ANKS1B: variants seen among roughly 807,000 people sequenced by gnomAD.
The protein encoded by ANKS1B is ankyrin repeat and sterile alpha motif domain-containing protein 1B.
ANKS1B carries 36 observed loss-of-function variants against 148.3 expected under a neutral mutation model. The ratio of observed to expected loss-of-function variants is 0.24; its 90% CI spans 0.19 to 0.32. ANKS1B has a LOEUF of 0.32. Among genes scored for constraint, ANKS1B ranks in the 10% least tolerant of loss-of-function variants. The probability of loss-of-function intolerance (pLI) is 1.00; values close to 1 mark genes in which losing one functional copy is unlikely to be tolerated. For missense variants in ANKS1B, 1,157 were observed against 1,542.6 expected (o/e 0.75, Z 4.19); for synonymous variants, 542 against 560.8 (o/e 0.97, Z 0.47).
intron 14 of ANKS1B, among the ~76,000 whole-genome samples, chr12:99,164,676 G>A (rs189578220): frequency 8.6e-5 from 13 of 151,832 alleles, no homozygotes; most frequent in Admixed American, 7.2e-4. Flanking sequence ...TCCTTTCTTC[G>A]TTCTCTTTTT....
intron 14 of ANKS1B, among the ~76,000 whole-genome samples, chr12:99,178,547 T>C (rs1205402719): frequency 6.6e-6 from 1 of 152,240 alleles, no homozygotes; most frequent in Non-Finnish European, 1.5e-5. Context: ...TTGGGGATGC[T>C]GAATAAATTA....
At chr12:99,541,600 T>C (rs142529804) in intron 9 of ANKS1B, among the ~76,000 whole-genome samples, 1 of 152,150 alleles carries the variant, frequency 6.6e-6, no homozygotes, top group Middle Eastern at 3.4e-3. Flanking sequence ...GTGGCTCACA[T>C]CTATAATCCC....
At position 99,284,164 on chromosome 12, in the gene ANKS1B, C is replaced by T. The variant is rs1023375524; in HGVS notation, c.1757-37300G>A. Reference sequence around the variant, plus strand: ...CAATCTGTAGGGAATCTCAGGGGATCATCTGATCCTAGTATCAGGCTCAAG... The same window carrying T: ...CAATCTGTAGGGAATCTCAGGGGATTATCTGATCCTAGTATCAGGCTCAAG... On this transcript the variant is annotated intron_variant, in intron 12 of 26. Coordinates refer to ENST00000683438, the MANE Select transcript of ANKS1B (RefSeq NM_001352186.2). Among the ~76,000 whole-genome samples, 6 of 152,196 alleles carry T rather than the reference C, an allele frequency of 3.9e-5. No individual in the cohort carries two copies. In the East Asian group the frequency reaches 9.6e-4, roughly 24 times the overall value.
intron 8 of ANKS1B, among the ~76,000 whole-genome samples, chr12:99,656,726 C>A (rs549534372): frequency 2.9e-4 from 44 of 151,700 alleles, no homozygotes; most frequent in African/African-American, 1.1e-3. Flanking sequence ...ACTCTAAGAG[C>A]CTGCTGAATA....
chr12:99,196,731 G>A (rs570558270), intron 14 of ANKS1B, among the ~76,000 whole-genome samples: 3 of 151,580 alleles, frequency 2.0e-5, no homozygotes, highest in South Asian at 2.1e-4. Flanking sequence ...CCATTAACTC[G>A]TCATTTAGCA....
intron 17 of ANKS1B, among the ~76,000 whole-genome samples, chr12:98,970,443 C>T (rs958355073): frequency 2.0e-5 from 3 of 152,172 alleles, no homozygotes; most frequent in Non-Finnish European, 4.4e-5. Context: ...ACACAGCAGG[C>T]ATTCAATCAA....
At chr12:99,768,673 A>G (rs1175563814) in intron 8 of ANKS1B, among the ~76,000 whole-genome samples, 1 of 151,930 alleles carries the variant, frequency 6.6e-6, no homozygotes, top group Non-Finnish European at 1.5e-5. Context: ...TAAAATACAA[A>G]AAATTAGCCA....
At chr12:99,841,387 T>C (rs1290160207) in intron 1 of ANKS1B, among the ~76,000 whole-genome samples, 1 of 152,134 alleles carries the variant, frequency 6.6e-6, no homozygotes, top group African/African-American at 2.4e-5. Flanking sequence ...ACTTATGGTG[T>C]ATTTTTTTAA....
At chr12:99,856,082 T>C (rs1424834341) in intron 1 of ANKS1B, among the ~76,000 whole-genome samples, 1 of 151,400 alleles carries the variant, frequency 6.6e-6, no homozygotes, top group Non-Finnish European at 1.5e-5. Context: ...CTAAATGAAA[T>C]GGAAACAAAA....
chr12:99,723,969 G>C (rs56401252), intron 8 of ANKS1B, among the ~76,000 whole-genome samples: 1 of 151,234 alleles, frequency 6.6e-6, no homozygotes, highest in Non-Finnish European at 1.5e-5. Context: ...TCAGCAAAAA[G>C]TGTCTCCCCA....
intron 24 of ANKS1B, among the ~76,000 whole-genome samples, chr12:98,777,376 C>A (rs2098689942): frequency 1.3e-5 from 2 of 152,186 alleles, no homozygotes; most frequent in Non-Finnish European, 2.9e-5. Context: ...GGCACTGCAT[C>A]ATTTTTAATT....
intron 17 of ANKS1B, among the ~76,000 whole-genome samples, chr12:98,980,090 G>C (rs1485963619): frequency 1.3e-5 from 2 of 152,056 alleles, no homozygotes; most frequent in African/African-American, 4.8e-5. Context: ...TTTCATGTCA[G>C]ATATTCTGTT....
intron 1 of ANKS1B, among the ~76,000 whole-genome samples, chr12:99,956,595 C>T (rs945904760): frequency 6.6e-6 from 1 of 152,180 alleles, no homozygotes; most frequent in Non-Finnish European, 1.5e-5. Flanking sequence ...TCTAAACAGA[C>T]ATAGCCCACC....
At chr12:99,460,941 C>T (rs968062341) in intron 10 of ANKS1B, among the ~76,000 whole-genome samples, 5 of 152,062 alleles carry the variant, frequency 3.3e-5, no homozygotes, top group Admixed American at 6.5e-5. Flanking sequence ...AAGATACTTG[C>T]ACACACATGT....
intron 17 of ANKS1B, among the ~76,000 whole-genome samples, chr12:98,865,494 C>T (rs1240449067): frequency 2.6e-4 from 40 of 152,212 alleles, no homozygotes; most frequent in Admixed American, 2.6e-3. Context: ...CAAAGTAAAA[C>T]AAAAACACTC....
chr12:99,379,077 T>A (rs2093527774), intron 12 of ANKS1B, among the ~76,000 whole-genome samples: 1 of 152,204 alleles, frequency 6.6e-6, no homozygotes, highest in Admixed American at 6.5e-5. Flanking sequence ...TTAAGGAAAC[T>A]GACTTAAGGA....
intron 16 of ANKS1B, chr12:99,079,992 T>C (rs182155441): frequency 3.3e-5 from 5 of 152,430 alleles, no homozygotes; most frequent in South Asian, 2.1e-4. Context: ...CAACTGCGCA[T>C]GCTCAACGGA....
intron 1 of ANKS1B, among the ~76,000 whole-genome samples, chr12:99,981,074 C>A (rs2095695208): frequency 6.6e-6 from 1 of 151,966 alleles, no homozygotes; most frequent in Admixed American, 6.5e-5. Flanking sequence ...CAATAGGAAG[C>A]AAATCTTTAG....
At chr12:99,161,514 A>G (rs964432602) in intron 14 of ANKS1B, among the ~76,000 whole-genome samples, 1 of 152,134 alleles carries the variant, frequency 6.6e-6, no homozygotes, top group Non-Finnish European at 1.5e-5. Flanking sequence ...CCCTGTCTGT[A>G]AAAAAACAAA....
Sources: gnomAD v4.1 joint callset for allele counts (sites outside exome capture counted in the v4.1 genomes callset) on GRCh38, gnomAD v4.1.1 for gene constraint, MANE v1.5 for transcripts, NCBI Gene and HGNC (gene_info 2026-07-23, HGNC 2026-07-21) for gene names.